The following CENPW variants were observed in gnomAD, a reference collection of about 807,000 sequenced individuals.
The protein encoded by CENPW is centromere protein W.
A neutral mutation model predicts 11.1 loss-of-function variants in CENPW; 3 were observed. The ratio of observed to expected loss-of-function variants is 0.27; its 90% CI spans 0.12 to 0.70. CENPW has a LOEUF of 0.70. Among genes scored for constraint, CENPW ranks in the 30% least tolerant of loss-of-function variants. The pLI is 0.77. For missense variants in CENPW, 100 were observed against 105.6 expected (o/e 0.95, Z 0.23); for synonymous variants, 38 against 42.0 (o/e 0.91, Z 0.37).
At chr6:126,369,639 T>G in the CENPW span, among the ~76,000 whole-genome samples, 1 of 152,312 alleles carries the variant, frequency 6.6e-6, no homozygotes, top group South Asian at 2.1e-4. Context: ...GTTTTTTTCT[T>G]GCTGATGTTT....
the CENPW span, among the ~76,000 whole-genome samples, chr6:126,404,613 T>G: frequency 6.6e-6 from 1 of 152,262 alleles, no homozygotes; most frequent in Non-Finnish European, 1.5e-5. Flanking sequence ...ATGTAATAAC[T>G]TACATTTCCA....
chr6:126,385,899 G>C, the CENPW span, among the ~76,000 whole-genome samples: 1 of 152,066 alleles, frequency 6.6e-6, no homozygotes, highest in East Asian at 1.9e-4. Flanking sequence ...ATAGCAATAT[G>C]AAAACAGATG....
At chr6:126,422,681 T>G in the CENPW span, among the ~76,000 whole-genome samples, 1 of 152,182 alleles carries the variant, frequency 6.6e-6, no homozygotes, top group East Asian at 1.9e-4. Flanking sequence ...ACTTCATCCC[T>G]CATGCCAAAA....
chr6:126,380,996 C>A, the CENPW span, among the ~76,000 whole-genome samples: 1 of 152,210 alleles, frequency 6.6e-6, no homozygotes, highest in South Asian at 2.1e-4. Context: ...TTGGCAAGAA[C>A]CTCCCACCCT....
chr6:126,468,117 A>G, the CENPW span, among the ~76,000 whole-genome samples: 1 of 152,134 alleles, frequency 6.6e-6, no homozygotes, highest in African/African-American at 2.4e-5. Flanking sequence ...TAGGGCAACT[A>G]GTAAGAAATG....
the CENPW span, among the ~76,000 whole-genome samples, chr6:126,390,088 A>G: frequency 1.3e-5 from 2 of 151,936 alleles, no homozygotes; most frequent in East Asian, 3.8e-4. Context: ...CTGGGTTTCA[A>G]TCTTGATTCA....
the CENPW span, among the ~76,000 whole-genome samples, chr6:126,389,484 C>A: frequency 2.2e-4 from 33 of 151,866 alleles, no homozygotes; most frequent in Middle Eastern, 6.8e-3. Flanking sequence ...TTTTCTTTTC[C>A]ATTTCTGCAA....
At chr6:126,438,015 G>A in the CENPW span, among the ~76,000 whole-genome samples, 1 of 151,538 alleles carries the variant, frequency 6.6e-6, no homozygotes, top group African/African-American at 2.4e-5. Context: ...AACCATGGGA[G>A]ATTGGCTTTT....
At chr6:126,340,564 C>G in intron 1 of CENPW, 165 bp downstream of exon 1, 1 of 931,156 alleles carries the variant, frequency 1.1e-6, no homozygotes, top group Non-Finnish European at 1.6e-6. Flanking sequence ...CCTGGCATGT[C>G]AGTTCATATT....
the CENPW span, among the ~76,000 whole-genome samples, chr6:126,466,644 T>G: frequency 6.6e-6 from 1 of 152,142 alleles, no homozygotes; most frequent in Non-Finnish European, 1.5e-5. Context: ...CTGTTGTGTG[T>G]GCATCCATAT....
the CENPW span, among the ~76,000 whole-genome samples, chr6:126,456,477 G>T: frequency 6.6e-6 from 1 of 151,562 alleles, no homozygotes; most frequent in African/African-American, 2.4e-5. Context: ...TCAATAAATG[G>T]TGCTAGGGTA....
At chr6:126,429,267 A>G in the CENPW span, among the ~76,000 whole-genome samples, 18 of 152,150 alleles carry the variant, frequency 1.2e-4, no homozygotes, top group Non-Finnish European at 1.9e-4. Context: ...TCTTTACTTG[A>G]TAAGTGAAAA....
the CENPW span, among the ~76,000 whole-genome samples, chr6:126,477,500 C>A: frequency 1.3e-5 from 2 of 151,666 alleles, no homozygotes; most frequent in African/African-American, 2.4e-5. Context: ...GAGATCTCTG[C>A]CAGCAAATAA....
At chr6:126,402,079 G>C in the CENPW span, among the ~76,000 whole-genome samples, 640 of 152,068 alleles carry the variant, frequency 4.2e-3, 4 homozygotes, top group African/African-American at 0.013. Context: ...AAGTTAGTTT[G>C]AGATTTTTAC....
At chr6:126,465,497 AT>A in the CENPW span, among the ~76,000 whole-genome samples, 1 of 152,114 alleles carries the variant, frequency 6.6e-6, no homozygotes, top group Admixed American at 6.6e-5. Context: ...TCAAGCTGGC[AT>A]TTTTTCGTGT....
the CENPW span, among the ~76,000 whole-genome samples, chr6:126,446,343 T>G: frequency 6.6e-6 from 1 of 150,390 alleles, no homozygotes. Context: ...CAACTTCAAA[T>G]GACCCCCTCC....
chr6:126,386,308 C>A, the CENPW span, among the ~76,000 whole-genome samples: 1 of 152,038 alleles, frequency 6.6e-6, no homozygotes, highest in East Asian at 1.9e-4. Flanking sequence ...AACACAAACT[C>A]CCCATGTGTA....
chr6:126,449,981 T>C, the CENPW span, among the ~76,000 whole-genome samples: 1 of 151,018 alleles, frequency 6.6e-6, no homozygotes, highest in Admixed American at 6.6e-5. Flanking sequence ...GTATTTGAAA[T>C]TTCCACAGTG....
the CENPW span, among the ~76,000 whole-genome samples, chr6:126,397,290 G>A: frequency 4.6e-5 from 7 of 152,118 alleles, no homozygotes; most frequent in African/African-American, 1.7e-4. Flanking sequence ...CTGTGGGCAG[G>A]CATTGGCTGA....
Sources: allele counts gnomAD v4.1 joint callset (sites outside exome capture counted in the v4.1 genomes callset), GRCh38; gene constraint gnomAD v4.1.1; transcripts MANE v1.5; gene names NCBI Gene and HGNC (gene_info 2026-07-23, HGNC 2026-07-21).